CACNA2D3: variants seen among roughly 807,000 people sequenced by gnomAD.
CACNA2D3 encodes the protein voltage-dependent calcium channel subunit alpha-2/delta-3.
Under a neutral mutation model 160.6 loss-of-function variants are expected in CACNA2D3, and 60 were observed. The ratio of observed to expected loss-of-function variants is 0.37; its 90% CI spans 0.30 to 0.46. The LOEUF (loss-of-function observed/expected upper bound fraction) is 0.46. CACNA2D3 is among the 20% of genes least tolerant of loss of function. CACNA2D3 has a pLI of 1.00. For missense variants in CACNA2D3, 1,205 were observed against 1,365.0 expected, an observed-to-expected ratio of 0.88 and a Z score of 1.85; for synonymous variants, 558 against 492.9, an observed-to-expected ratio of 1.13 and a Z score of -1.75.
At chr3:54,878,705 T>C (rs1338221836) in intron 18 of CACNA2D3, 6 of 235,862 alleles carry the variant, frequency 2.5e-5, no homozygotes, top group Non-Finnish European at 4.8e-5. Flanking sequence ...CCAGAGACGT[T>C]CTTGCTCGGC....
chr3:54,562,802 C>A lies in CACNA2D3; in HGVS notation c.547C>A (p.Pro183Thr). The stretch of plus-strand genomic sequence containing the variant: ...CTCTCTCTCTTTCTTTTTTACAGAC[C>A]CTGCAATTGTCAATGGGGTTTATTG... ...QVPTNMYNKD[P>T]AIVNGVYWSE... Residue 183 changes from proline to threonine, a missense_variant and splice_region_variant, in exon 6 of 38, where the codon CCT becomes ACT. Physicochemically the swap from Pro to Thr is conservative, Grantham distance 38. Coordinates refer to ENST00000474759, the MANE Select transcript of CACNA2D3 (RefSeq NM_018398.3). 1 of 1,610,754 alleles carries A rather than the reference C, an allele frequency of 6.2e-7. No homozygotes were observed. The highest frequency in any genetic ancestry group is 1.1e-5 in the South Asian group (1 of 90,784).
intron 27 of CACNA2D3, among the ~76,000 whole-genome samples, chr3:54,933,744 A>G (rs989077464): frequency 6.7e-6 from 1 of 148,730 alleles, no homozygotes; most frequent in Non-Finnish European, 1.5e-5. Context: ...TTGAATGAAT[A>G]AAGATATTAC....
intron 27 of CACNA2D3, chr3:54,918,731 T>A: frequency 6.2e-7 from 1 of 1,614,094 alleles, no homozygotes; most frequent in Non-Finnish European, 8.5e-7. Context: ...TCAGGAGGCC[T>A]CAGGACCACA....
intron 2 of CACNA2D3, among the ~76,000 whole-genome samples, chr3:54,225,077 A>G (rs1200796501): frequency 6.6e-6 from 1 of 151,594 alleles, no homozygotes; most frequent in Non-Finnish European, 1.5e-5. Context: ...TACATTAGGT[A>G]TATCTCCTAA....
chr3:54,452,994 T>TC (rs1700335083), intron 4 of CACNA2D3, among the ~76,000 whole-genome samples: 2 of 152,044 alleles, frequency 1.3e-5, no homozygotes, highest in African/African-American at 4.8e-5. Flanking sequence ...TCTCTCTCTC[T>TC]TTCTCCTCTT....
At chr3:54,337,928 C>G (rs746203660) in intron 3 of CACNA2D3, among the ~76,000 whole-genome samples, 1 of 152,112 alleles carries the variant, frequency 6.6e-6, no homozygotes, top group East Asian at 1.9e-4. Context: ...CATGGACACC[C>G]CTTTTTGGTT....
At chr3:55,021,625 G>GTGTA (rs1703450189) in intron 35 of CACNA2D3, among the ~76,000 whole-genome samples, 2 of 131,498 alleles carry the variant, frequency 1.5e-5, no homozygotes, top group African/African-American at 2.8e-5. Context: ...ATGTGTGTGT[G>GTGTA]TATATATATA....
At chr3:54,156,874 C>T (rs1700254397) in intron 2 of CACNA2D3, among the ~76,000 whole-genome samples, 2 of 152,184 alleles carry the variant, frequency 1.3e-5, no homozygotes, top group African/African-American at 4.8e-5. Flanking sequence ...TTCCCCAATT[C>T]CTGACCCACA....
chr3:54,355,878 T>C (rs1231086725), intron 3 of CACNA2D3, among the ~76,000 whole-genome samples: 1 of 152,192 alleles, frequency 6.6e-6, no homozygotes, highest in East Asian at 1.9e-4. Context: ...GGAGACTTCA[T>C]AGTGCAAAGT....
intron 13 of CACNA2D3, among the ~76,000 whole-genome samples, chr3:54,771,497 T>G (rs181768612): frequency 5.3e-5 from 8 of 152,200 alleles, no homozygotes; most frequent in Non-Finnish European, 5.9e-5. Flanking sequence ...AGAATTCAGT[T>G]CTTTGCCCGT....
At chr3:55,055,813 T>C (rs1180068631) in intron 35 of CACNA2D3, among the ~76,000 whole-genome samples, 1 of 152,138 alleles carries the variant, frequency 6.6e-6, no homozygotes, top group Non-Finnish European at 1.5e-5. Flanking sequence ...ATAAATGGGA[T>C]TGTCCTCCTC....
intron 11 of CACNA2D3, among the ~76,000 whole-genome samples, chr3:54,646,937 C>T (rs1317984052): frequency 6.6e-6 from 1 of 152,180 alleles, no homozygotes; most frequent in Non-Finnish European, 1.5e-5. Flanking sequence ...GGCAGAGAGA[C>T]TCTCCCTGAT....
At chr3:54,739,440 AAC>A (rs1262342371) in intron 11 of CACNA2D3, among the ~76,000 whole-genome samples, 1 of 148,338 alleles carries the variant, frequency 6.7e-6, no homozygotes, top group Non-Finnish European at 1.5e-5. Flanking sequence ...AAAAAAAAAA[AAC>A]AAAAAAAAAA....
At chr3:54,471,847 C>G (rs920299594) in intron 4 of CACNA2D3, among the ~76,000 whole-genome samples, 2 of 152,082 alleles carry the variant, frequency 1.3e-5, no homozygotes, top group African/African-American at 4.8e-5. Context: ...CAAGACTAAA[C>G]CAGGAAGAAG....
Position 54,392,062 on chromosome 3 carries a change from A to T in CACNA2D3, c.381+5288A>T, listed in dbSNP as rs182890923. Among the ~76,000 whole-genome samples, 29 of 152,368 alleles carry T rather than the reference A, an allele frequency of 1.9e-4. No individual in the cohort carries two copies. The East Asian group carries it at 5.4e-3, about 28-fold the overall frequency. On this transcript the variant is annotated intron_variant, in intron 4 of 37. Transcript: ENST00000474759. Reference sequence around the variant, plus strand: ...AAAGATTGATAGTTCCAATGAGAACAGAGTTTTAAAAAATACTACCCTATG... The same window carrying T: ...AAAGATTGATAGTTCCAATGAGAACTGAGTTTTAAAAAATACTACCCTATG...
chr3:54,388,246 A>G (rs1009330858), intron 4 of CACNA2D3, among the ~76,000 whole-genome samples: 5 of 152,226 alleles, frequency 3.3e-5, no homozygotes, highest in Non-Finnish European at 2.9e-5. Flanking sequence ...ATAGAGGAGT[A>G]TAGACACCCA....
intron 11 of CACNA2D3, among the ~76,000 whole-genome samples, chr3:54,725,331 G>A (rs1701256016): frequency 6.6e-6 from 1 of 152,140 alleles, no homozygotes; most frequent in South Asian, 2.1e-4. Context: ...TTCTACCAGA[G>A]GTACAAAGAG....
intron 10 of CACNA2D3, among the ~76,000 whole-genome samples, chr3:54,637,183 A>G (rs1200108564): frequency 1.3e-5 from 2 of 151,996 alleles, no homozygotes; most frequent in African/African-American, 4.8e-5. Flanking sequence ...GCTGTAGCAG[A>G]CGAGTGATAA....
In CACNA2D3 at chr3:54,311,171, A is replaced by G. The variant is rs9877208; in HGVS notation, c.205-9271A>G. 7.8e-3 allele frequency among the ~76,000 whole-genome samples: 1,192 copies of G among 152,310 alleles called. 6 individuals carry two copies. The highest frequency in any genetic ancestry group is 0.017 in the African/African-American group (709 of 41,570). On this transcript the variant is annotated intron_variant, in intron 2 of 37. Coordinates refer to ENST00000474759, the MANE Select transcript of CACNA2D3 (RefSeq NM_018398.3). ...TCCACTGGGCCCATCGTGGTCAGCT[A>G]TCTTCACTAGGAGTAAGCTGAGGGA... is the stretch of plus-strand genomic sequence containing the variant.
Sources: gnomAD v4.1 joint callset for allele counts (sites outside exome capture counted in the v4.1 genomes callset) on GRCh38, gnomAD v4.1.1 for gene constraint, MANE v1.5 for transcripts, NCBI Gene and HGNC (gene_info 2026-07-23, HGNC 2026-07-21) for gene names.